HS3ST5: variants seen among roughly 807,000 people sequenced by gnomAD.
HS3ST5 encodes the protein heparan sulfate-glucosamine 3-sulfotransferase 5.
HS3ST5 carries 10 observed loss-of-function variants against 25.4 expected under a neutral mutation model. The observed-to-expected ratio is 0.39, with a 90% CI of 0.24 to 0.67. The LOEUF is 0.67. Ranked by LOEUF, HS3ST5 falls within the 30% of genes least tolerant of loss-of-function variation. HS3ST5 has a pLI of 0.44. For missense variants in HS3ST5, 324 were observed against 420.7 expected (o/e 0.77, Z 2.01); for synonymous variants, 170 against 162.4 (o/e 1.05, Z -0.36).
chr6:114,256,398 A>AT (rs1170890536), intron 1 of HS3ST5, among the ~76,000 whole-genome samples: 1 of 150,614 alleles, frequency 6.6e-6, no homozygotes, highest in East Asian at 2.0e-4. Flanking sequence ...AAAAAAAAAA[A>AT]ACAAAAAAAA....
At chr6:114,341,372 C>A (rs371413960) in intron 1 of HS3ST5, among the ~76,000 whole-genome samples, 1 of 151,958 alleles carries the variant, frequency 6.6e-6, no homozygotes, top group Non-Finnish European at 1.5e-5. Flanking sequence ...GGAAACCCAC[C>A]AAGGTGAAGT....
chr6:114,286,805 T>C (rs893088201), intron 1 of HS3ST5, among the ~76,000 whole-genome samples: 1 of 152,106 alleles, frequency 6.6e-6, no homozygotes, highest in Middle Eastern at 3.4e-3. Flanking sequence ...CAACAAATGA[T>C]AAAAGTCTGT....
At chr6:114,308,681 C>T (rs1775403932) in intron 1 of HS3ST5, among the ~76,000 whole-genome samples, 1 of 152,140 alleles carries the variant, frequency 6.6e-6, no homozygotes, top group East Asian at 1.9e-4. Flanking sequence ...TTGACATAGA[C>T]CTGTAGCTCA....
chr6:114,116,211 T>G (rs1354769400), intron 3 of HS3ST5: 1 of 152,086 alleles, frequency 6.6e-6, no homozygotes, highest in Non-Finnish European at 1.5e-5. Context: ...AACATCACCA[T>G]GATAAATATC....
chr6:114,136,246 A>C (rs1426481188), intron 3 of HS3ST5, among the ~76,000 whole-genome samples: 2 of 152,178 alleles, frequency 1.3e-5, no homozygotes, highest in Non-Finnish European at 2.9e-5. Context: ...GGACGGACCC[A>C]GTGGGAGTAA....
intron 3 of HS3ST5, among the ~76,000 whole-genome samples, chr6:114,114,747 C>T (rs1321122897): frequency 2.0e-5 from 3 of 151,852 alleles, no homozygotes; most frequent in Non-Finnish European, 4.4e-5. Flanking sequence ...ACTTAGAGGA[C>T]AAAAATATTT....
At chr6:114,319,461 T>C (rs1377764275) in intron 1 of HS3ST5, among the ~76,000 whole-genome samples, 1 of 152,178 alleles carries the variant, frequency 6.6e-6, no homozygotes, top group Non-Finnish European at 1.5e-5. Context: ...GCTGATGCCT[T>C]GTGAAGGCCA....
intron 3 of HS3ST5, among the ~76,000 whole-genome samples, chr6:114,111,592 G>C (rs1039650992): frequency 5.3e-5 from 8 of 152,046 alleles, no homozygotes; most frequent in Non-Finnish European, 7.4e-5. Flanking sequence ...ACTAGTGCTG[G>C]GGAATAACTT....
intron 3 of HS3ST5, among the ~76,000 whole-genome samples, chr6:114,072,074 C>T (rs899627401): frequency 1.1e-4 from 17 of 152,274 alleles, no homozygotes; most frequent in African/African-American, 4.1e-4. Flanking sequence ...GGGCTTTCTA[C>T]ATTGCACCAC....
intron 1 of HS3ST5, chr6:114,251,685 T>A (rs1772668518): frequency 6.6e-6 from 1 of 152,186 alleles, no homozygotes; most frequent in Non-Finnish European, 1.5e-5. Flanking sequence ...GCTGCAAGAA[T>A]AAATTTCAAA....
rs191416445 is a variant in HS3ST5 at position 114,090,752 on chromosome 6, G to A, written c.-32-27875C>T. 5.9e-5 allele frequency among the ~76,000 whole-genome samples: 9 copies of A among 152,316 alleles called. No homozygotes were observed. The East Asian group carries it at 1.7e-3, about 29-fold the overall frequency. On this transcript the variant is annotated intron_variant, in intron 3 of 4. Transcript: ENST00000312719. ...ACGAAATCCTTAGTGTTAAAAATGA[G>A]TGTATCTTAATGGAAGAGCCTATTA...
intron 3 of HS3ST5, chr6:114,084,149 G>T: frequency 1.4e-6 from 1 of 711,798 alleles, no homozygotes; most frequent in Non-Finnish European, 2.5e-6. Context: ...TGTTGCTTAA[G>T]AACACATGCA....
chr6:114,335,498 A>G (rs536202310), intron 1 of HS3ST5, among the ~76,000 whole-genome samples: 3 of 152,304 alleles, frequency 2.0e-5, no homozygotes, highest in African/African-American at 7.2e-5. Flanking sequence ...ATAAAGACAA[A>G]TATAAATATT....
intron 1 of HS3ST5, chr6:114,251,700 T>A (rs1772669357): frequency 6.6e-6 from 1 of 152,212 alleles, no homozygotes; most frequent in Non-Finnish European, 1.5e-5. Flanking sequence ...TTCAAATTGT[T>A]TTGTGCTTGA....
At position 114,098,094 on chromosome 6, in the gene HS3ST5, G is replaced by C. The variant is rs74876488; in HGVS notation, c.-32-35217C>G. ...GGCTGGGAATTAAATGGTAATATAA[G>C]CTTTCTAATTCAGACGTTTTACTAA... is the stretch of plus-strand genomic sequence containing the variant. On this transcript the variant is annotated intron_variant, in intron 3 of 4. Coordinates refer to ENST00000312719, the MANE Select transcript of HS3ST5 (RefSeq NM_153612.4). Among the ~76,000 whole-genome samples the C allele has an allele frequency of 8.3e-4, 126 of 152,092 alleles. 1 individual carries two copies. Among genetic ancestry groups the C allele is most frequent in the Non-Finnish European group, 1.2e-3 (83 of 67,876 alleles).
intron 1 of HS3ST5, among the ~76,000 whole-genome samples, chr6:114,318,421 A>T (rs1464694889): frequency 2.0e-5 from 3 of 152,120 alleles, no homozygotes; most frequent in Non-Finnish European, 4.4e-5. Flanking sequence ...TCAGGGATCT[A>T]ATATCAGACT....
chr6:114,210,967 T>A (rs1446198735), intron 2 of HS3ST5, among the ~76,000 whole-genome samples: 2 of 152,188 alleles, frequency 1.3e-5, no homozygotes, highest in Non-Finnish European at 2.9e-5. Context: ...TTCAGGTTAC[T>A]CCTCAACCCT....
At chr6:114,275,237 C>T (rs80154015) in intron 1 of HS3ST5, among the ~76,000 whole-genome samples, 6,096 of 152,000 alleles carry the variant, frequency 0.04, 178 homozygotes, top group Non-Finnish European at 0.064. Flanking sequence ...CTCCTTAGCA[C>T]CTACTAGTTC....
intron 3 of HS3ST5, among the ~76,000 whole-genome samples, chr6:114,112,866 A>G (rs1776334500): frequency 1.3e-5 from 2 of 152,162 alleles, no homozygotes; most frequent in South Asian, 4.1e-4. Context: ...CCATTTTCCT[A>G]ATGTTTCTAT....
Sources: gnomAD v4.1 joint callset for allele counts (sites outside exome capture counted in the v4.1 genomes callset) on GRCh38, gnomAD v4.1.1 for gene constraint, MANE v1.5 for transcripts, NCBI Gene and HGNC (gene_info 2026-07-23, HGNC 2026-07-21) for gene names.